Variants in LRRC8D observed in about 807,000 individuals in gnomAD.
LRRC8D encodes the protein volume-regulated anion channel subunit LRRC8D.
Under a neutral mutation model 55.8 loss-of-function variants are expected in LRRC8D, and 20 were observed. The ratio of observed to expected loss-of-function variants is 0.36; its 90% CI spans 0.25 to 0.52. The LOEUF (loss-of-function observed/expected upper bound fraction) is 0.52, where lower values mean the gene tolerates loss of function less well. Among genes scored for constraint, LRRC8D ranks in the 20% least tolerant of loss-of-function variants. LRRC8D has a pLI of 0.93. For synonymous variants in LRRC8D, 352 were observed against 377.0 expected (o/e 0.93, Z 0.77); for missense variants, 651 against 1,030.8 (o/e 0.63, Z 5.05).
At chr1:89,821,830 C>T (rs1660641440) in intron 1 of LRRC8D, 1 of 151,976 alleles carries the variant, frequency 6.6e-6, no homozygotes, top group South Asian at 2.1e-4. Context: ...AGGTGAAGGC[C>T]CGCGCCCCGC....
intron 2 of LRRC8D, among the ~76,000 whole-genome samples, chr1:89,922,912 A>C (rs554723087): frequency 6.6e-6 from 1 of 152,386 alleles, no homozygotes; most frequent in African/African-American, 2.4e-5. Flanking sequence ...TTTGAAGTAT[A>C]TAATTCAGTG....
At position 89,911,675 on chromosome 1, in the gene LRRC8D, TC is replaced by T. The variant is rs1663136750; in HGVS notation, c.-2-21389del. ...AGATTTGAGAGGTGAATATTCACTT[TC>T]CCACATACCCTTGCACACGTGAGCC... On this transcript the variant is annotated intron_variant, in intron 2 of 2. Coordinates refer to ENST00000337338, the MANE Select transcript of LRRC8D (RefSeq NM_001134479.2). This position sits in a 1 kb window ranked among gnomAD's most constrained non-coding sequence, Gnocchi z 4.0. Among the ~76,000 whole-genome samples the T allele has an allele frequency of 7.0e-6, 1 of 143,618 alleles. No individual in the cohort carries two copies. The highest frequency in any genetic ancestry group is 2.2e-4 in the South Asian group (1 of 4,564). The allele number at this position is 143,618 out of a possible 152,430, so 94.2% of individuals were successfully genotyped here. A position where few individuals can be genotyped will look rare whatever the true frequency, so the allele number is the denominator to read the frequency against.
rs187113182 is a variant in LRRC8D at position 89,914,158 on chromosome 1, A to G, written c.-2-18909A>G. Among the ~76,000 whole-genome samples the G allele has an allele frequency of 3.4e-3, 514 of 152,372 alleles. 1 individual carries two copies. The highest frequency in any genetic ancestry group is 6.1e-3 in the Non-Finnish European group (418 of 68,032). On this transcript the variant is annotated intron_variant, in intron 2 of 2. Transcript: ENST00000337338. Reference sequence around the variant, plus strand: ...ATGTTATCCACTTTGGATGGACTGCAACTGTAAAATATCTAAGATATGATG... The same window carrying G: ...ATGTTATCCACTTTGGATGGACTGCGACTGTAAAATATCTAAGATATGATG...
chr1:89,846,653 C>T (rs1661289690), intron 2 of LRRC8D: 1 of 152,088 alleles, frequency 6.6e-6, no homozygotes, highest in South Asian at 2.1e-4. Context: ...CTGCCCAGAA[C>T]TCAAGGTTTG....
intron 1 of LRRC8D, among the ~76,000 whole-genome samples, chr1:89,827,243 G>C (rs776290391): frequency 6.6e-6 from 1 of 151,826 alleles, no homozygotes; most frequent in Non-Finnish European, 1.5e-5. Context: ...CCAGCTACTC[G>C]GGAAGTTGAG....
intron 2 of LRRC8D, among the ~76,000 whole-genome samples, chr1:89,860,785 A>AAAAAAAAAAAAAAAATATAT (rs1553123917): frequency 3.5e-5 from 1 of 28,180 alleles, no homozygotes; most frequent in African/African-American, 1.0e-4. Context: ...AAAAAAAAAA[A>AAAAAAAAAAAAAAAATATAT]ATATATATAT....
intron 2 of LRRC8D, among the ~76,000 whole-genome samples, chr1:89,849,384 A>G (rs1661355762): frequency 6.6e-6 from 1 of 152,182 alleles, no homozygotes; most frequent in Non-Finnish European, 1.5e-5. Flanking sequence ...GACCACAAAC[A>G]ATATTGCTGG....
chr1:89,882,962 A>G (rs970419196), intron 2 of LRRC8D, among the ~76,000 whole-genome samples: 5 of 152,194 alleles, frequency 3.3e-5, no homozygotes, highest in African/African-American at 9.7e-5. Context: ...GGACGAGGGC[A>G]GATAGTGGAT....
chr1:89,893,646 G>A (rs1662633018), intron 2 of LRRC8D, among the ~76,000 whole-genome samples: 1 of 152,078 alleles, frequency 6.6e-6, no homozygotes, highest in African/African-American at 2.4e-5. Flanking sequence ...TGGGACATAC[G>A]TTATTGTTCT....
chr1:89,912,364 C>G (rs942207215), intron 2 of LRRC8D, among the ~76,000 whole-genome samples: 1 of 152,054 alleles, frequency 6.6e-6, no homozygotes, highest in Non-Finnish European at 1.5e-5. Flanking sequence ...TGAGTTGTAC[C>G]CTGGAAAATC....
intron 1 of LRRC8D, among the ~76,000 whole-genome samples, chr1:89,830,089 GAATA>G (rs369128459): frequency 1.1e-3 from 175 of 152,218 alleles, no homozygotes; most frequent in African/African-American, 3.6e-3. Flanking sequence ...GTAAATGAAT[GAATA>G]AATAAATATC....
intron 2 of LRRC8D, among the ~76,000 whole-genome samples, chr1:89,857,647 C>T (rs918210107): frequency 6.6e-6 from 1 of 152,126 alleles, no homozygotes; most frequent in African/African-American, 2.4e-5. Flanking sequence ...TACTTGCACT[C>T]CACTAGTGGG....
intron 1 of LRRC8D, among the ~76,000 whole-genome samples, chr1:89,842,626 C>T (rs892808261): frequency 1.3e-5 from 2 of 149,070 alleles, no homozygotes; most frequent in African/African-American, 4.9e-5. Flanking sequence ...GTCCTGTAAG[C>T]GCTTTTTAAC....
At chr1:89,924,077 GT>G (rs1467435072) in intron 2 of LRRC8D, among the ~76,000 whole-genome samples, 1 of 152,166 alleles carries the variant, frequency 6.6e-6, no homozygotes, top group Non-Finnish European at 1.5e-5. Context: ...AAATTGACAA[GT>G]GGGACCTAAT....
rs774048314 is a variant in LRRC8D, at chr1:89,934,757, A to G, written c.1689A>G (p.Arg563=). 7.4e-6 allele frequency: 12 copies of G among 1,614,130 alleles called. No homozygotes were observed. Among genetic ancestry groups the G allele is most frequent in the Non-Finnish European group, 1.0e-5 (12 of 1,180,034 alleles). ...PAWVYLLKNL[R]ELYLIGNLNS... ...GGGTGTATTTGCTCAAAAACCTTCG[A>G]GAGTTGTACTTAATAGGCAATTTGA... Residue 563 remains arginine (R), a synonymous_variant, in exon 3 of 3, where the codon CGA becomes CGG. Transcript: ENST00000337338. This position sits in a 1 kb window ranked among gnomAD's most constrained non-coding sequence, Gnocchi z 5.9.
intron 2 of LRRC8D, among the ~76,000 whole-genome samples, chr1:89,916,720 C>G (rs1375818842): frequency 2.6e-5 from 4 of 151,280 alleles, no homozygotes; most frequent in Non-Finnish European, 5.9e-5. Flanking sequence ...TTTTTCTTCT[C>G]AAAGCCTTCA....
intron 2 of LRRC8D, among the ~76,000 whole-genome samples, chr1:89,917,048 A>C (rs996907653): frequency 6.6e-6 from 1 of 152,228 alleles, no homozygotes; most frequent in African/African-American, 2.4e-5. Flanking sequence ...AAGCAAGCTA[A>C]CTACTTAAGC....
At chr1:89,932,416 A>G (rs1380932897) in intron 2 of LRRC8D, among the ~76,000 whole-genome samples, 1 of 152,240 alleles carries the variant, frequency 6.6e-6, no homozygotes, top group Non-Finnish European at 1.5e-5. Context: ...CTAGACCCTT[A>G]GTTTCAACTG....
intron 1 of LRRC8D, among the ~76,000 whole-genome samples, chr1:89,821,664 G>C (rs1205563147): frequency 6.6e-6 from 1 of 152,166 alleles, no homozygotes. Flanking sequence ...GCCGGTTTCG[G>C]CTCTGCTGGT....
Sources: allele counts gnomAD v4.1 joint callset (sites outside exome capture counted in the v4.1 genomes callset), GRCh38; gene constraint gnomAD v4.1.1; non-coding constraint Gnocchi (gnomAD v3.1); transcripts MANE v1.5; gene names NCBI Gene and HGNC (gene_info 2026-07-23, HGNC 2026-07-21).